KLF8: variants seen among roughly 807,000 people sequenced by gnomAD.
KLF8 encodes Krueppel-like factor 8.
In KLF8, 10 loss-of-function variants were observed where a neutral mutation model predicts 18.2. That is an observed-to-expected ratio of 0.55 (90% confidence interval 0.34 to 0.93). The LOEUF is 0.93. Among genes scored for constraint, KLF8 ranks in the 40% least tolerant of loss-of-function variants. The pLI is 0.02. For missense variants in KLF8, 264 were observed against 277.9 expected (o/e 0.95, Z 0.36); for synonymous variants, 109 against 97.3 (o/e 1.12, Z -0.71).
the KLF8 span, among the ~76,000 whole-genome samples, chrX:56,067,995 C>T: frequency 2.7e-5 from 3 of 112,208 alleles, no homozygotes; most frequent in African/African-American, 9.7e-5. Flanking sequence ...CTATTTCACC[C>T]ACCTTGCCAA....
the KLF8 span, among the ~76,000 whole-genome samples, chrX:56,198,182 C>A: frequency 8.9e-6 from 1 of 111,772 alleles, no homozygotes; most frequent in African/African-American, 3.3e-5. Context: ...CTGGCACAAG[C>A]AAGGATGCCC....
At chrX:56,209,085 T>C in the KLF8 span, among the ~76,000 whole-genome samples, 2 of 111,956 alleles carry the variant, frequency 1.8e-5, no homozygotes, top group African/African-American at 6.5e-5. Context: ...ATGATTGCAT[T>C]GGGGTCTTTC....
At chrX:55,992,445 C>G in the KLF8 span, among the ~76,000 whole-genome samples, 2 of 111,864 alleles carry the variant, frequency 1.8e-5, no homozygotes, top group Admixed American at 1.9e-4. Context: ...CTAACCTGTT[C>G]CATTCATCTA....
chrX:56,123,285 AAGAAAGAAAGAAAG>A, the KLF8 span, among the ~76,000 whole-genome samples: 1 of 103,400 alleles, frequency 9.7e-6, no homozygotes, highest in African/African-American at 4.2e-5. Context: ...GAAAGAAAGA[AAGAAAGAAAGAAAG>A]AGAAAGAAAG....
At chrX:56,236,573 C>T (rs2207297) in intron 1 of KLF8, among the ~76,000 whole-genome samples, 8,580 of 110,708 alleles carry the variant, frequency 0.078, 824 homozygotes, top group African/African-American at 0.27. Context: ...TTAGGCGAGA[C>T]GTGCAAACAA....
the KLF8 span, among the ~76,000 whole-genome samples, chrX:56,104,829 C>T: frequency 9.0e-6 from 1 of 111,437 alleles, no homozygotes; most frequent in South Asian, 3.8e-4. Context: ...TTAGATCTTT[C>T]CTGCTTTCCC....
chrX:56,267,245 A>G (rs1027691506), intron 3 of KLF8: 12 of 723,950 alleles, frequency 1.7e-5, no homozygotes, highest in Non-Finnish European at 2.0e-5. Context: ...GTTCGTTTTC[A>G]TGCTGCTGAT....
At chrX:56,009,149 C>A in the KLF8 span, among the ~76,000 whole-genome samples, 4 of 111,359 alleles carry the variant, frequency 3.6e-5, no homozygotes, top group African/African-American at 1.3e-4. Flanking sequence ...CCCTAGATCA[C>A]CCCAAAAGGG....
the KLF8 span, among the ~76,000 whole-genome samples, chrX:56,163,082 T>A: frequency 1.8e-5 from 2 of 112,326 alleles, no homozygotes; most frequent in Admixed American, 1.9e-4. Context: ...TATAATATAA[T>A]CATTTATATT....
At chrX:56,161,949 G>T in the KLF8 span, among the ~76,000 whole-genome samples, 2 of 111,441 alleles carry the variant, frequency 1.8e-5, no homozygotes, top group African/African-American at 6.5e-5. Context: ...TGGGGTTTTG[G>T]TGTGGATGTC....
chrX:56,180,262 A>T, the KLF8 span, among the ~76,000 whole-genome samples: 1 of 111,672 alleles, frequency 9.0e-6, no homozygotes, highest in Non-Finnish European at 1.9e-5. Context: ...TGTTTATTTG[A>T]GTAGAGATGT....
At chrX:56,258,955 T>C (rs1261546322) in intron 2 of KLF8, among the ~76,000 whole-genome samples, 1 of 111,451 alleles carries the variant, frequency 9.0e-6, no homozygotes, top group East Asian at 2.8e-4. Context: ...TGGGTGGGTG[T>C]GTAGCTCAGG....
the KLF8 span, among the ~76,000 whole-genome samples, chrX:56,208,354 A>G: frequency 1.8e-5 from 2 of 110,918 alleles, no homozygotes; most frequent in East Asian, 2.8e-4. Context: ...GATTTTATTT[A>G]TTTGGGTCTT....
the KLF8 span, among the ~76,000 whole-genome samples, chrX:56,002,254 C>A: frequency 9.0e-6 from 1 of 111,602 alleles, no homozygotes; most frequent in Non-Finnish European, 1.9e-5. Context: ...TTTGCTAACC[C>A]CTGCACACCT....
the KLF8 span, among the ~76,000 whole-genome samples, chrX:56,207,517 C>T: frequency 4.5e-5 from 5 of 111,531 alleles, no homozygotes; most frequent in African/African-American, 6.5e-5. Flanking sequence ...TTTCAAAGTT[C>T]CACAGATCTC....
In KLF8 at chrX:56,261,043, C is replaced by T. The variant is rs1159262364; in HGVS notation, c.82-4137C>T. On this transcript the variant is annotated intron_variant, in intron 2 of 5. Coordinates refer to ENST00000468660, the MANE Select transcript of KLF8 (RefSeq NM_007250.5). Reference sequence around the variant, plus strand: ...CCACTGATTCTCAGGGCCTCTCTACCTATCTTAATCAAATGCTTAAATATT... The same window carrying T: ...CCACTGATTCTCAGGGCCTCTCTACTTATCTTAATCAAATGCTTAAATATT... Among the ~76,000 whole-genome samples the T allele has an allele frequency of 2.7e-5, 3 of 112,255 alleles. No homozygotes were observed. The East Asian group carries it at 8.3e-4, about 31-fold the overall frequency.
chrX:55,943,876 A>G, the KLF8 span, among the ~76,000 whole-genome samples: 2 of 112,091 alleles, frequency 1.8e-5, no homozygotes, highest in Non-Finnish European at 3.8e-5. Context: ...TGTTTGCTGG[A>G]TGGGGTAGAG....
the KLF8 span, among the ~76,000 whole-genome samples, chrX:55,948,171 C>T: frequency 6.2e-5 from 7 of 112,081 alleles, no homozygotes; most frequent in Non-Finnish European, 1.3e-4. Context: ...TTAACATTCT[C>T]GACTCTTTAC....
the KLF8 span, among the ~76,000 whole-genome samples, chrX:55,973,447 A>G: frequency 2.7e-5 from 3 of 112,092 alleles, no homozygotes; most frequent in African/African-American, 9.7e-5. Flanking sequence ...TTATTTGCAA[A>G]CTATGCATTT....
Sources: allele counts gnomAD v4.1 joint callset (sites outside exome capture counted in the v4.1 genomes callset), GRCh38; gene constraint gnomAD v4.1.1; transcripts MANE v1.5; gene names NCBI Gene and HGNC (gene_info 2026-07-23, HGNC 2026-07-21).